ADH6: variants seen among roughly 807,000 people sequenced by gnomAD.
ADH6 encodes alcohol dehydrogenase 6.
ADH6 carries 34 observed loss-of-function variants against 36.5 expected under a neutral mutation model. That is an observed-to-expected ratio of 0.93 (90% confidence interval 0.71 to 1.24). The LOEUF is 1.24. Ranked by LOEUF, ADH6 falls within the 50% of genes most tolerant of loss-of-function variation. The probability of loss-of-function intolerance (pLI) is 0.00; values close to 1 mark genes in which losing one functional copy is unlikely to be tolerated. For missense variants in ADH6, 440 were observed against 447.0 expected, an observed-to-expected ratio of 0.98 and a Z score of 0.14; for synonymous variants, 161 against 155.5, an observed-to-expected ratio of 1.04 and a Z score of -0.26.
intron 7 of ADH6, among the ~76,000 whole-genome samples, chr4:99,206,299 A>C (rs1731032235): frequency 1.3e-5 from 2 of 152,106 alleles, no homozygotes; most frequent in African/African-American, 2.4e-5. Context: ...CCAGAGGACT[A>C]TACTATTTGT....
chr4:99,211,860 G>C (rs2110550754), intron 3 of ADH6, among the ~76,000 whole-genome samples: 1 of 152,212 alleles, frequency 6.6e-6, no homozygotes, highest in African/African-American at 2.4e-5. Context: ...CACTGGTGAG[G>C]AAATAAGGAT....
chr4:99,213,835 T>G, intron 2 of ADH6, 88 bp from the exon 3 acceptor site: 1 of 1,214,214 alleles, frequency 8.2e-7, no homozygotes. Flanking sequence ...TTTGCTAGTT[T>G]GATATTCTCC....
chr4:99,217,838 C>T (rs1731504733), intron 1 of ADH6, among the ~76,000 whole-genome samples: 1 of 152,052 alleles, frequency 6.6e-6, no homozygotes, highest in African/African-American at 2.4e-5. Context: ...ATTTGTGATC[C>T]TAAGCATGGG....
intron 7 of ADH6, among the ~76,000 whole-genome samples, chr4:99,206,872 A>G (rs1039166144): frequency 6.6e-6 from 1 of 152,164 alleles, no homozygotes; most frequent in African/African-American, 2.4e-5. Context: ...ATAGTCTTCT[A>G]AAGTCTATAA....
At chr4:99,208,974 AACATACACCTTT>A in intron 5 of ADH6, 46 bp from the exon 6 acceptor site, 1 of 1,574,006 alleles carries the variant, frequency 6.4e-7, no homozygotes, top group Non-Finnish European at 8.6e-7. Flanking sequence ...AAGCAAAGAG[AACATACACCTTT>A]ACTCAGTTGG....
At chr4:99,207,363 T>G in intron 7 of ADH6, 83 bp downstream of exon 7, 1 of 1,561,178 alleles carries the variant, frequency 6.4e-7, no homozygotes, top group Non-Finnish European at 8.7e-7. Context: ...TTTTATGTCC[T>G]TTCTTAAGCG....
Position 99,213,590 on chromosome 4 carries a change from A to G in ADH6, c.262+16T>C. On this transcript the variant is annotated intron_variant, in intron 3 of 8. Coordinates refer to ENST00000394899, the MANE Select transcript of ADH6 (RefSeq NM_001102470.2). ...CAAGTTGTTGCTGTTTCCTATTACC[A>G]GGTGCTAATTCCTACCTGGTTTCAC... 2 of 1,586,188 alleles carry G rather than the reference A, an allele frequency of 1.3e-6. No individual in the cohort carries two copies. Among genetic ancestry groups the G allele is most frequent in the Non-Finnish European group, 1.7e-6 (2 of 1,168,476 alleles).
chr4:99,217,249 G>A (rs915722131), intron 1 of ADH6, among the ~76,000 whole-genome samples: 5 of 151,996 alleles, frequency 3.3e-5, no homozygotes, highest in Admixed American at 1.3e-4. Context: ...TGTTAGCCAG[G>A]ATGTTCTTGA....
intron 5 of ADH6, among the ~76,000 whole-genome samples, chr4:99,209,656 A>T (rs1325339490): frequency 6.6e-6 from 1 of 152,092 alleles, no homozygotes; most frequent in Non-Finnish European, 1.5e-5. Context: ...ATTAGCATTT[A>T]TCACTACCTA....
intron 7 of ADH6, among the ~76,000 whole-genome samples, chr4:99,205,585 T>C (rs1363769840): frequency 1.3e-5 from 2 of 152,162 alleles, no homozygotes; most frequent in East Asian, 3.9e-4. Context: ...AATATAAGAA[T>C]AAAATGTGCT....
chr4:99,210,787 C>G, intron 3 of ADH6, among the ~76,000 whole-genome samples: 1 of 152,096 alleles, frequency 6.6e-6, no homozygotes, highest in East Asian at 1.9e-4. Context: ...AGTTTTTTGT[C>G]ATATATCCAT....
chr4:99,213,664 G>T lies in ADH6; in HGVS notation c.204C>A (p.Gly68=), dbSNP rs72552715. 2 of 1,613,706 alleles carry T rather than the reference G, an allele frequency of 1.2e-6. No individual in the cohort carries two copies. The highest frequency in any genetic ancestry group is 1.7e-6 in the Non-Finnish European group (2 of 1,179,874). ...HLDLLYPTIL[G]HEGAGIVESI... ...TCTCAACGATTCCAGCCCCTTCATG[G>T]CCCAAGATGGTGGGATACAAGAGGT... is the stretch of plus-strand genomic sequence containing the variant. Residue 68 remains glycine, a synonymous_variant, in exon 3 of 9, where the codon GGC becomes GGA. Coordinates refer to ENST00000394899, the MANE Select transcript of ADH6 (RefSeq NM_001102470.2).
At chr4:99,204,397 T>C in intron 8 of ADH6, 154 bp from the exon 9 acceptor site, 1 of 1,415,000 alleles carries the variant, frequency 7.1e-7, no homozygotes, top group Non-Finnish European at 9.1e-7. Context: ...GGAAGATTTT[T>C]TAAAATGACA....
At position 99,218,053 on chromosome 4, in the gene ADH6, T is replaced by G. The variant is rs977406251; in HGVS notation, c.18+1082A>C. Among the ~76,000 whole-genome samples, 2 of 152,242 alleles carry G rather than the reference T, an allele frequency of 1.3e-5. 1 individual carries two copies. The highest frequency in any genetic ancestry group is 3.8e-4 in the East Asian group (2 of 5,202). On this transcript the variant is annotated intron_variant, in intron 1 of 8. Transcript: ENST00000394899. The stretch of plus-strand genomic sequence containing the variant: ...TATTTTTGCAGATTCAACCACTACC[T>G]TTATGTGAGTAAACTATATTTATGG...
chr4:99,211,151 T>G (rs1731213340), intron 3 of ADH6, among the ~76,000 whole-genome samples: 2 of 152,186 alleles, frequency 1.3e-5, no homozygotes, highest in Non-Finnish European at 2.9e-5. Context: ...CTATTTTATT[T>G]ATTTTTATTT....
intron 2 of ADH6, 23 bp downstream of exon 2, chr4:99,216,135 ATTT>A (rs34008565): frequency 0.052 from 43,924 of 844,714 alleles, no homozygotes; most frequent in Middle Eastern, 0.057. Flanking sequence ...TTTTGGTGTG[ATTT>A]TTTTTTTTTT....
intron 2 of ADH6, 88 bp downstream of exon 2, chr4:99,216,073 G>A (rs921007352): frequency 5.1e-6 from 3 of 591,184 alleles, no homozygotes; most frequent in Non-Finnish European, 8.3e-6. Context: ...TTTCTGAGTT[G>A]AATATCCGGA....
chr4:99,217,890 G>A (rs1280087756), intron 1 of ADH6, among the ~76,000 whole-genome samples: 5 of 152,112 alleles, frequency 3.3e-5, no homozygotes, highest in African/African-American at 7.2e-5. Context: ...ATGGAGCAAC[G>A]AATGGAGGCA....
chr4:99,216,145 T>C lies in ADH6; in HGVS notation c.120+16A>G. ...TTGGCTTTTGGTGTGATTTTTTTTT[T>C]TTTTTTTTTTTTTACCTTTATGCGA... On this transcript the variant is annotated intron_variant, in intron 2 of 8. Coordinates refer to ENST00000394899, the MANE Select transcript of ADH6 (RefSeq NM_001102470.2). The C allele has an allele frequency of 2.1e-6, 3 of 1,412,090 alleles. No homozygotes were observed. Among genetic ancestry groups the C allele is most frequent in the Non-Finnish European group, 1.9e-6 (2 of 1,066,024 alleles). 87.5% of individuals were successfully genotyped at this position (1,412,090 alleles called of 1,614,324 possible). A position where few individuals can be genotyped will look rare whatever the true frequency, so the allele number is the denominator to read the frequency against.
Sources: allele counts gnomAD v4.1 joint callset (sites outside exome capture counted in the v4.1 genomes callset), GRCh38; gene constraint gnomAD v4.1.1; transcripts MANE v1.5; gene names NCBI Gene and HGNC (gene_info 2026-07-23, HGNC 2026-07-21).